LARGE1: variants seen among roughly 807,000 people sequenced by gnomAD.
LARGE1 encodes xylosyl- and glucuronyltransferase LARGE1.
Under a neutral mutation model 87.6 loss-of-function variants are expected in LARGE1, and 43 were observed. The ratio of observed to expected loss-of-function variants is 0.49; its 90% CI spans 0.38 to 0.63. The LOEUF is 0.63. LARGE1 is among the 30% of genes least tolerant of loss of function. The pLI is 0.00. For missense variants in LARGE1, 802 were observed against 1,000.2 expected (o/e 0.80, Z 2.67); for synonymous variants, 434 against 394.6 (o/e 1.10, Z -1.18).
intron 1 of LARGE1, among the ~76,000 whole-genome samples, chr22:33,827,406 C>A (rs1280346420): frequency 6.6e-6 from 1 of 152,004 alleles, no homozygotes; most frequent in Non-Finnish European, 1.5e-5. Flanking sequence ...GTCCTATTAC[C>A]CTCCTCGCCC....
chr22:33,341,758 C>T (rs1190116521), intron 9 of LARGE1, among the ~76,000 whole-genome samples: 5 of 152,184 alleles, frequency 3.3e-5, no homozygotes, highest in African/African-American at 7.2e-5. Flanking sequence ...TTGAACAACT[C>T]GTTTCTCTTC....
At chr22:33,840,973 T>A (rs1330140846) in intron 1 of LARGE1, among the ~76,000 whole-genome samples, 1 of 152,228 alleles carries the variant, frequency 6.6e-6, no homozygotes, top group South Asian at 2.1e-4. Flanking sequence ...CAATAGAAAC[T>A]ATACTTGAGT....
chr22:33,647,960 T>C (rs1182991321), intron 3 of LARGE1, among the ~76,000 whole-genome samples: 1 of 152,158 alleles, frequency 6.6e-6, no homozygotes, highest in Non-Finnish European at 1.5e-5. Context: ...GGTTTCACCA[T>C]GTTGGCCGGG....
At chr22:33,393,660 C>T (rs994468651) in intron 7 of LARGE1, among the ~76,000 whole-genome samples, 8 of 152,218 alleles carry the variant, frequency 5.3e-5, no homozygotes, top group African/African-American at 1.9e-4. Context: ...CTGGCATTCG[C>T]TGCTGCCTGA....
chr22:33,719,388 C>T (rs943913816), intron 2 of LARGE1, among the ~76,000 whole-genome samples: 1 of 152,076 alleles, frequency 6.6e-6, no homozygotes, highest in African/African-American at 2.4e-5. Context: ...ATGCCCTAGC[C>T]CTTCACATTC....
At chr22:33,101,747 C>A in the LARGE1 span, among the ~76,000 whole-genome samples, 1 of 152,234 alleles carries the variant, frequency 6.6e-6, no homozygotes, top group Non-Finnish European at 1.5e-5. Context: ...TGCTTGTAGC[C>A]TAACCAGGCA....
In LARGE1 at chr22:33,363,824, A is replaced by G. The variant is rs138708464; in HGVS notation, c.1131+18095T>C. ...ATTGCGATCCCAGAGAGTCAATCTG[A>G]TAACTGAGATGGCTACTAAGTGATT... is the stretch of plus-strand genomic sequence containing the variant. On this transcript the variant is annotated intron_variant, in intron 9 of 14. Transcript: ENST00000397394. Among the ~76,000 whole-genome samples, 264 of 149,916 alleles carry G rather than the reference A, an allele frequency of 1.8e-3. 15 individuals carry two copies. The highest frequency in any genetic ancestry group is 6.3e-3 in the African/African-American group (258 of 40,800).
At chr22:33,346,585 G>A (rs1383361218) in intron 9 of LARGE1, among the ~76,000 whole-genome samples, 1 of 152,158 alleles carries the variant, frequency 6.6e-6, no homozygotes, top group Non-Finnish European at 1.5e-5. Context: ...TTACAGGCAT[G>A]AGCCTCCGCG....
chr22:33,083,421 T>G, the LARGE1 span, among the ~76,000 whole-genome samples: 1 of 152,216 alleles, frequency 6.6e-6, no homozygotes, highest in East Asian at 1.9e-4. Flanking sequence ...GCAGTAGAGC[T>G]AGATTACAAT....
At chr22:33,597,828 A>AC (rs2079019168) in intron 5 of LARGE1, among the ~76,000 whole-genome samples, 1 of 152,152 alleles carries the variant, frequency 6.6e-6, no homozygotes, top group African/African-American at 2.4e-5. Context: ...AGGCTGGTAG[A>AC]CATGTAGGGC....
chr22:33,882,047 T>G (rs866669090), intron 1 of LARGE1, among the ~76,000 whole-genome samples: 3 of 143,914 alleles, frequency 2.1e-5, no homozygotes, highest in Non-Finnish European at 4.5e-5. Context: ...TTTTTTTTGT[T>G]TTTTTTTTTT....
intron 2 of LARGE1, among the ~76,000 whole-genome samples, chr22:33,708,233 T>C (rs1294717332): frequency 1.3e-5 from 2 of 149,216 alleles, no homozygotes; most frequent in African/African-American, 4.9e-5. Flanking sequence ...GTTGCTGATA[T>C]GGAGCTGCTA....
chr22:33,640,791 C>T (rs1015460016), intron 3 of LARGE1, among the ~76,000 whole-genome samples: 1 of 152,128 alleles, frequency 6.6e-6, no homozygotes, highest in South Asian at 2.1e-4. Flanking sequence ...TGCGGTTTTC[C>T]CCTCACAGTG....
intron 7 of LARGE1, among the ~76,000 whole-genome samples, chr22:33,391,430 T>G (rs953573617): frequency 3.3e-5 from 5 of 151,916 alleles, no homozygotes. Context: ...AGGGGAAGCA[T>G]TAGGGGAAGG....
chr22:33,073,001 T>C, the LARGE1 span, among the ~76,000 whole-genome samples: 1 of 152,160 alleles, frequency 6.6e-6, no homozygotes, highest in East Asian at 1.9e-4. Flanking sequence ...CCTGCGGCCG[T>C]CTCGAGGGAT....
chr22:33,420,145 C>A (rs940935814), intron 7 of LARGE1, among the ~76,000 whole-genome samples: 3 of 152,178 alleles, frequency 2.0e-5, no homozygotes, highest in Non-Finnish European at 2.9e-5. Context: ...TTCCCACGAG[C>A]AACCATGAGA....
At chr22:33,401,879 A>G (rs2065936812) in intron 7 of LARGE1, among the ~76,000 whole-genome samples, 1 of 152,236 alleles carries the variant, frequency 6.6e-6, no homozygotes, top group Non-Finnish European at 1.5e-5. Context: ...AAACTAACAC[A>G]CATCTCTCAG....
At chr22:33,507,928 AG>A (rs1163303134) in intron 6 of LARGE1, among the ~76,000 whole-genome samples, 2 of 152,176 alleles carry the variant, frequency 1.3e-5, no homozygotes, top group Non-Finnish European at 2.9e-5. Context: ...CTTCTGGAAG[AG>A]GGGGACCTTT....
intron 1 of LARGE1, among the ~76,000 whole-genome samples, chr22:33,891,950 T>C (rs546982813): frequency 6.6e-6 from 1 of 152,336 alleles, no homozygotes; most frequent in South Asian, 2.1e-4. Context: ...TTCTCGACTT[T>C]GACAACATCA....
Sources: allele counts gnomAD v4.1 joint callset (sites outside exome capture counted in the v4.1 genomes callset), GRCh38; gene constraint gnomAD v4.1.1; transcripts MANE v1.5; gene names NCBI Gene and HGNC (gene_info 2026-07-23, HGNC 2026-07-21).